MAGI1: variants seen among roughly 807,000 people sequenced by gnomAD.
MAGI1 encodes membrane associated guanylate kinase, WW and PDZ domain containing 1.
Under a neutral mutation model 139.9 loss-of-function variants are expected in MAGI1, and 58 were observed. The observed-to-expected ratio is 0.41, with a 90% confidence interval of 0.34 to 0.52. The LOEUF (loss-of-function observed/expected upper bound fraction) is 0.52. MAGI1 is among the 20% of genes least tolerant of loss of function. The pLI, the probability that MAGI1 is intolerant of heterozygous loss-of-function variation, is 0.12. For synonymous variants in MAGI1, 812 were observed against 737.9 expected, an observed-to-expected ratio of 1.10 and a Z score of -1.63; for missense variants, 1,874 against 1,901.6, an observed-to-expected ratio of 0.99 and a Z score of 0.27.
At chr3:65,745,851 T>A (rs2035662750) in intron 1 of MAGI1, among the ~76,000 whole-genome samples, 2 of 152,082 alleles carry the variant, frequency 1.3e-5, no homozygotes, top group Admixed American at 6.6e-5. Flanking sequence ...CACTTTGGCC[T>A]CCCAGTAGCT....
intron 1 of MAGI1, among the ~76,000 whole-genome samples, chr3:65,793,901 G>T (rs937829411): frequency 3.9e-5 from 6 of 152,222 alleles, no homozygotes; most frequent in African/African-American, 1.2e-4. Flanking sequence ...TGTAGATACA[G>T]ATGCTGCGTA....
chr3:65,944,460 G>A lies in MAGI1; in HGVS notation c.313+93536C>T, dbSNP rs149499875. On this transcript the variant is annotated intron_variant, in intron 1 of 22. Coordinates refer to ENST00000402939, the MANE Select transcript of MAGI1 (RefSeq NM_001033057.2). ...TTGAGCCCAGGAAGTTGAAGATGCA[G>A]TAAGACATGCTCATAGCACTGCACT... Among the ~76,000 whole-genome samples, 147 of 152,264 alleles carry A rather than the reference G, an allele frequency of 9.7e-4. 3 individuals are homozygous for A. In the East Asian group the frequency reaches 0.026, roughly 27 times the overall value.
At chr3:65,570,761 A>G (rs72902249) in intron 2 of MAGI1, among the ~76,000 whole-genome samples, 3,663 of 152,258 alleles carry the variant, frequency 0.024, 121 homozygotes, top group African/African-American at 0.078. Flanking sequence ...ACTTATGTGG[A>G]AAAAATCCAG....
intron 18 of MAGI1, among the ~76,000 whole-genome samples, chr3:65,366,733 A>G (rs1342279516): frequency 6.6e-6 from 1 of 152,242 alleles, no homozygotes; most frequent in East Asian, 1.9e-4. Context: ...ATGATCCAAG[A>G]AGATTGTTTG....
In MAGI1 at chr3:65,634,698, C is replaced by T. The variant is rs980023060; in HGVS notation, c.314-12610G>A. On this transcript the variant is annotated intron_variant, in intron 1 of 22. Transcript: ENST00000402939. ...ACTTTTACCAAGGCTCATAACAATG[C>T]AGTGTGTAAGCTTGATTAGATCTGG... is the stretch of plus-strand genomic sequence containing the variant. 1.2e-4 allele frequency among the ~76,000 whole-genome samples: 18 copies of T among 152,216 alleles called. 1 individual carries two copies. In the South Asian group the frequency reaches 3.7e-3, roughly 32 times the overall value.
At chr3:65,819,984 G>GCAAATATAC (rs3077820) in intron 1 of MAGI1, among the ~76,000 whole-genome samples, 72,706 of 141,282 alleles carry the variant, frequency 0.51, 19,336 homozygotes, top group East Asian at 0.81. Context: ...TTTATATTAA[G>GCAAATATAC]CAAATATACT....
chr3:65,910,656 T>C (rs1327199647), intron 1 of MAGI1, among the ~76,000 whole-genome samples: 1 of 151,858 alleles, frequency 6.6e-6, no homozygotes, highest in East Asian at 2.0e-4. Context: ...TAAAACATCC[T>C]GCGTTAGAAA....
At position 65,493,422 on chromosome 3, in the gene MAGI1, G is replaced by A. The variant is rs576093320; in HGVS notation, c.550+90C>T. The A allele has an allele frequency of 2.7e-5, 42 of 1,535,792 alleles. No homozygotes were observed. In the South Asian group the frequency reaches 4.1e-4, roughly 15 times the overall value. ...CTCCTGTTATTTGTTTAGACCTCCA[G>A]ATTCCACAAAACATTTTTGCCTGGA... On this transcript the variant is annotated intron_variant, in intron 3 of 22. Coordinates refer to ENST00000402939, the MANE Select transcript of MAGI1 (RefSeq NM_001033057.2).
intron 2 of MAGI1, among the ~76,000 whole-genome samples, chr3:65,556,651 C>G (rs1360728959): frequency 2.6e-5 from 4 of 152,166 alleles, no homozygotes; most frequent in Non-Finnish European, 5.9e-5. Flanking sequence ...TCTCATCCAC[C>G]ATGATCTTTT....
At chr3:65,543,929 T>A (rs1461885978) in intron 2 of MAGI1, among the ~76,000 whole-genome samples, 1 of 152,060 alleles carries the variant, frequency 6.6e-6, no homozygotes, top group Non-Finnish European at 1.5e-5. Context: ...AAGATGTTTA[T>A]CACAGCTATT....
At chr3:65,416,164 A>G (rs1489097007) in intron 12 of MAGI1, among the ~76,000 whole-genome samples, 3 of 152,208 alleles carry the variant, frequency 2.0e-5, no homozygotes, top group Non-Finnish European at 4.4e-5. Flanking sequence ...GCTTTTTAAA[A>G]CATAGCTTTT....
chr3:65,987,868 T>A (rs183818224), intron 1 of MAGI1, among the ~76,000 whole-genome samples: 47 of 152,352 alleles, frequency 3.1e-4, no homozygotes, highest in African/African-American at 1.1e-3. Context: ...TGCTCCCGAC[T>A]ACAGTACTTT....
At chr3:66,022,546 T>G (rs1263486637) in intron 1 of MAGI1, among the ~76,000 whole-genome samples, 1 of 152,234 alleles carries the variant, frequency 6.6e-6, no homozygotes, top group African/African-American at 2.4e-5. Flanking sequence ...TTTCCTTGGA[T>G]GTAGGTATCC....
chr3:65,866,627 T>TTA (rs1460016884), intron 1 of MAGI1, among the ~76,000 whole-genome samples: 1 of 152,034 alleles, frequency 6.6e-6, no homozygotes, highest in Non-Finnish European at 1.5e-5. Context: ...AGCATCTCAT[T>TTA]TATATATATA....
intron 3 of MAGI1, among the ~76,000 whole-genome samples, chr3:65,491,308 G>A (rs867613048): frequency 9.2e-5 from 14 of 152,070 alleles, no homozygotes; most frequent in Admixed American, 5.9e-4. Flanking sequence ...GATAATAGCC[G>A]CCTCTGTTGC....
chr3:65,448,823 T>A (rs920657229), intron 6 of MAGI1, among the ~76,000 whole-genome samples: 10 of 152,096 alleles, frequency 6.6e-5, no homozygotes, highest in African/African-American at 2.4e-4. Context: ...GTTCTTGACC[T>A]CGTCCTCTTG....
chr3:65,392,949 T>C lies in MAGI1; in HGVS notation c.2200-1591A>G, dbSNP rs141405051. On this transcript the variant is annotated intron_variant, in intron 13 of 22. Transcript: ENST00000402939. Reference sequence around the variant, plus strand: ...CCTATCCTGGAGGTCTTGGGAAAACTGTATGAGAGGCTTAATTCACTTCAA... The same window carrying C: ...CCTATCCTGGAGGTCTTGGGAAAACCGTATGAGAGGCTTAATTCACTTCAA... Among the ~76,000 whole-genome samples, 97 of 152,292 alleles carry C rather than the reference T, an allele frequency of 6.4e-4. No individual in the cohort carries two copies. In the East Asian group the frequency reaches 0.018, roughly 28 times the overall value.
chr3:66,008,050 C>G (rs988662686), intron 1 of MAGI1, among the ~76,000 whole-genome samples: 3 of 152,092 alleles, frequency 2.0e-5, no homozygotes, highest in South Asian at 2.1e-4. Context: ...GCATGTGCCA[C>G]CATGCCCAGC....
At chr3:65,700,547 G>A (rs913591440) in intron 1 of MAGI1, among the ~76,000 whole-genome samples, 4 of 152,074 alleles carry the variant, frequency 2.6e-5, no homozygotes, top group Non-Finnish European at 5.9e-5. Flanking sequence ...TACATGAATT[G>A]ATCTAATGTT....
Sources: gnomAD v4.1 joint callset for allele counts (sites outside exome capture counted in the v4.1 genomes callset) on GRCh38, gnomAD v4.1.1 for gene constraint, MANE v1.5 for transcripts, NCBI Gene and HGNC (gene_info 2026-07-23, HGNC 2026-07-21) for gene names.